Variants in ADD3 observed in about 807,000 individuals in gnomAD.
ADD3 encodes gamma-adducin.
ADD3 carries 25 observed loss-of-function variants against 80.2 expected under a neutral mutation model. That is an observed-to-expected ratio of 0.31 (90% CI 0.23 to 0.44). The LOEUF (loss-of-function observed/expected upper bound fraction) is 0.44, where lower values mean the gene tolerates loss of function less well. Among genes scored for constraint, ADD3 ranks in the 20% least tolerant of loss-of-function variants. The pLI, the probability that ADD3 is intolerant of heterozygous loss-of-function variation, is 1.00. For synonymous variants in ADD3, 284 were observed against 289.6 expected (o/e 0.98, Z 0.20); for missense variants, 829 against 847.5 (o/e 0.98, Z 0.27).
intron 1 of ADD3, among the ~76,000 whole-genome samples, chr10:110,020,035 G>A (rs1387842818): frequency 6.6e-6 from 1 of 152,192 alleles, no homozygotes. Context: ...GCAAACTGTA[G>A]AAACATTGTG....
chr10:110,054,489 T>A (rs1232370035), intron 1 of ADD3, among the ~76,000 whole-genome samples: 1 of 147,318 alleles, frequency 6.8e-6, no homozygotes, highest in Non-Finnish European at 1.5e-5. Flanking sequence ...TTGCCCAGGC[T>A]GGAGTGCAAT....
intron 1 of ADD3, among the ~76,000 whole-genome samples, chr10:110,097,859 C>T (rs538760052): frequency 2.1e-4 from 32 of 151,282 alleles, no homozygotes; most frequent in African/African-American, 7.6e-4. Context: ...ACTGCAAGCT[C>T]CACCTCCCAG....
At chr10:110,111,650 T>G (rs1850018630) in intron 2 of ADD3, among the ~76,000 whole-genome samples, 1 of 152,150 alleles carries the variant, frequency 6.6e-6, no homozygotes, top group Non-Finnish European at 1.5e-5. Flanking sequence ...GCGCGGTGGC[T>G]CACGCCTGTA....
intron 1 of ADD3, among the ~76,000 whole-genome samples, chr10:110,088,323 C>G (rs1847063131): frequency 6.6e-6 from 1 of 152,148 alleles, no homozygotes; most frequent in East Asian, 1.9e-4. Context: ...TTTGACAAAT[C>G]CGTTTTGAGA....
chr10:110,004,945 A>T (rs956295587), upstream of ADD3, among the ~76,000 whole-genome samples: 1 of 152,180 alleles, frequency 6.6e-6, no homozygotes, highest in African/African-American at 2.4e-5. Flanking sequence ...CAGTCAATCC[A>T]CTTGTGTTTC....
At chr10:110,075,308 C>T (rs979530053) in intron 1 of ADD3, among the ~76,000 whole-genome samples, 9 of 151,400 alleles carry the variant, frequency 5.9e-5, no homozygotes, top group East Asian at 1.9e-4. Flanking sequence ...GTATTTTGCT[C>T]TCTCTGTGAT....
chr10:110,118,622 G>A lies in ADD3; in HGVS notation c.603G>A (p.Gln201=), dbSNP rs1256040844. 1 of 1,613,972 alleles carries A rather than the reference G, an allele frequency of 6.2e-7. No individual in the cohort carries two copies. The highest frequency in any genetic ancestry group is 1.7e-5 in the Admixed American group (1 of 60,022). ...KVNIIGEVVD[Q]GSTNLKIDHT... The stretch of plus-strand genomic sequence containing the variant: ...ATATAATAGGAGAAGTGGTTGACCA[G>A]GGAAGTACCAATTTGAAAATTGACC... The change falls in exon 6 of 15, where the codon CAG becomes CAA. Residue 201 remains glutamine, a synonymous_variant. Transcript: ENST00000356080.
chr10:110,102,808 G>A (rs7923309), intron 2 of ADD3, among the ~76,000 whole-genome samples: 9,992 of 152,152 alleles, frequency 0.066, 563 homozygotes, highest in African/African-American at 0.15. Flanking sequence ...TTATGCCAGG[G>A]TTTTTGTCTT....
At position 110,065,539 on chromosome 10, in the gene ADD3, C is replaced by CCTTTTTTTTTTTTTTTTTTTTTTTTTTTT. The variant is rs1843806502; in HGVS notation, c.-29-35086_-29-35085insCTTTTTTTTTTTTTTTTTTTTTTTTTTTT. ...TTTTTTCTTAGCCTCTCTCTCTCCC[C>CCTTTTTTTTTTTTTTTTTTTTTTTTTTTT]TTTTTTTTTTTTTTTTTTGAGAAAG... On this transcript the variant is annotated intron_variant, in intron 1 of 14. Coordinates refer to ENST00000356080, the MANE Select transcript of ADD3 (RefSeq NM_016824.5). Among the ~76,000 whole-genome samples, 5 of 31,170 alleles carry CCTTTTTTTTTTTTTTTTTTTTTTTTTTTT rather than the reference C, an allele frequency of 1.6e-4. 1 individual carries two copies. The highest frequency in any genetic ancestry group is 3.2e-4 in the African/African-American group (4 of 12,566). 20.4% of individuals were successfully genotyped at this position (31,170 alleles called of 152,430 possible).
chr10:110,014,625 C>G (rs1425705171), intron 1 of ADD3, among the ~76,000 whole-genome samples: 1 of 151,646 alleles, frequency 6.6e-6, no homozygotes, highest in Non-Finnish European at 1.5e-5. Context: ...CTCCTGGGCT[C>G]AAGGGATTCT....
At chr10:109,997,460 G>A (rs1389016277) in intron 1 of ADD3, 1 of 152,160 alleles carries the variant, frequency 6.6e-6, no homozygotes, top group African/African-American at 2.4e-5. Context: ...TGTAAATAGG[G>A]ATACTTTGGA....
intron 1 of ADD3, among the ~76,000 whole-genome samples, chr10:110,030,323 TAAA>T (rs551525504): frequency 1.5e-5 from 2 of 133,962 alleles, no homozygotes. Context: ...AACTCCATCT[TAAA>T]AAAAAAAAAA....
chr10:110,131,894 G>T (rs1399639476), intron 13 of ADD3, among the ~76,000 whole-genome samples: 1 of 152,120 alleles, frequency 6.6e-6, no homozygotes, highest in Non-Finnish European at 1.5e-5. Context: ...GCTCTGACAG[G>T]TATCACTAAT....
At chr10:110,006,250 A>T (rs1851624791), upstream of ADD3, 1 of 152,656 alleles carries the variant, frequency 6.6e-6, no homozygotes, top group South Asian at 2.0e-4. Flanking sequence ...GGATTATGTT[A>T]ATTTGTCTTC....
intron 2 of ADD3, among the ~76,000 whole-genome samples, 169 bp from the exon 3 acceptor site, chr10:110,112,608 G>C (rs1850189515): frequency 6.6e-6 from 1 of 152,142 alleles, no homozygotes; most frequent in African/African-American, 2.4e-5. Flanking sequence ...GCATCTTGCT[G>C]CTTCTTGCAG....
intron 1 of ADD3, among the ~76,000 whole-genome samples, chr10:110,036,969 A>G (rs765966921): frequency 6.6e-6 from 1 of 152,192 alleles, no homozygotes; most frequent in African/African-American, 2.4e-5. Context: ...TAACTAGACT[A>G]GTGCTTTTTG....
At chr10:110,128,258 A>G (rs1193782888) in intron 12 of ADD3, among the ~76,000 whole-genome samples, 2 of 151,440 alleles carry the variant, frequency 1.3e-5, no homozygotes, top group Non-Finnish European at 2.9e-5. Flanking sequence ...TTCTGTCAGT[A>G]TATTATGTTA....
intron 1 of ADD3, among the ~76,000 whole-genome samples, chr10:110,077,480 G>T (rs1449668513): frequency 6.6e-6 from 1 of 152,018 alleles, no homozygotes; most frequent in South Asian, 2.1e-4. Flanking sequence ...GCATAATCTG[G>T]CAATACTGTA....
At chr10:110,087,996 C>G (rs1378394260) in intron 1 of ADD3, among the ~76,000 whole-genome samples, 2 of 152,142 alleles carry the variant, frequency 1.3e-5, no homozygotes, top group African/African-American at 4.8e-5. Context: ...GGTCCCTAGG[C>G]TTGTGCTGCA....
Sources: gnomAD v4.1 joint callset for allele counts (sites outside exome capture counted in the v4.1 genomes callset) on GRCh38, gnomAD v4.1.1 for gene constraint, MANE v1.5 for transcripts, NCBI Gene and HGNC (gene_info 2026-07-23, HGNC 2026-07-21) for gene names.